Variants in EIPR1 observed in about 807,000 individuals in gnomAD.
The protein encoded by EIPR1 is EARP and GARP complex-interacting protein 1.
A neutral mutation model predicts 48.1 loss-of-function variants in EIPR1; 25 were observed. The observed-to-expected ratio is 0.52, with a 90% CI of 0.38 to 0.73. The LOEUF (loss-of-function observed/expected upper bound fraction) is 0.73. Among genes scored for constraint, EIPR1 ranks in the 30% least tolerant of loss-of-function variants. EIPR1 has a pLI of 0.00. For missense variants in EIPR1, 415 were observed against 506.2 expected, an observed-to-expected ratio of 0.82 and a Z score of 1.73; for synonymous variants, 204 against 201.9, an observed-to-expected ratio of 1.01 and a Z score of -0.09.
chr2:3,372,925 C>T (rs1350777138), intron 1 of EIPR1, among the ~76,000 whole-genome samples: 2 of 151,320 alleles, frequency 1.3e-5, no homozygotes, highest in African/African-American at 4.9e-5. Context: ...GAGACACAAC[C>T]AAAAAAGAGA....
intron 2 of EIPR1, among the ~76,000 whole-genome samples, chr2:3,351,708 C>T (rs1428147364): frequency 1.3e-5 from 2 of 152,152 alleles, no homozygotes; most frequent in East Asian, 3.8e-4. Context: ...AAGTAACACA[C>T]ATACATACAT....
chr2:3,245,973 C>T (rs940950477), intron 4 of EIPR1, among the ~76,000 whole-genome samples: 2 of 152,164 alleles, frequency 1.3e-5, no homozygotes, highest in Non-Finnish European at 2.9e-5. Flanking sequence ...TGCCTATGGT[C>T]CCAGCTTTGC....
chr2:3,205,314 C>G (rs1186830787), intron 5 of EIPR1, among the ~76,000 whole-genome samples: 2 of 152,210 alleles, frequency 1.3e-5, no homozygotes, highest in African/African-American at 4.8e-5. Context: ...TGTCTGACAA[C>G]TGGACAGAGG....
At chr2:3,226,880 C>T (rs987681399) in intron 4 of EIPR1, among the ~76,000 whole-genome samples, 1 of 152,226 alleles carries the variant, frequency 6.6e-6, no homozygotes, top group Non-Finnish European at 1.5e-5. Flanking sequence ...CCTGCACATG[C>T]TCTCTTGCCT....
At chr2:3,235,426 ACACACACACACACGCGTGCGCG>A (rs1299072564) in intron 4 of EIPR1, among the ~76,000 whole-genome samples, 1 of 107,800 alleles carries the variant, frequency 9.3e-6, no homozygotes, top group African/African-American at 3.3e-5. Context: ...GGGTGCGCAC[ACACACACACACACGCGTGCGCG>A]CACACACACA....
chr2:3,267,410 C>T (rs1467698104), intron 3 of EIPR1, among the ~76,000 whole-genome samples: 2 of 152,374 alleles, frequency 1.3e-5, no homozygotes, highest in East Asian at 1.9e-4. Context: ...CCACACCCCA[C>T]TAAACCCAGC....
chr2:3,276,354 T>C (rs1239471508), intron 3 of EIPR1, among the ~76,000 whole-genome samples: 4 of 152,266 alleles, frequency 2.6e-5, no homozygotes. Context: ...GCTGAATAAA[T>C]ACTTTTATCC....
chr2:3,345,460 A>C (rs987457425), intron 2 of EIPR1, among the ~76,000 whole-genome samples: 6 of 145,254 alleles, frequency 4.1e-5, no homozygotes, highest in Admixed American at 2.1e-4. Flanking sequence ...CCCCGTCTCT[A>C]CTAAAAATAT....
intron 1 of EIPR1, 141 bp downstream of exon 1, chr2:3,377,507 T>C (rs931311337): frequency 2.6e-6 from 3 of 1,151,256 alleles, no homozygotes; most frequent in Non-Finnish European, 1.2e-6. Flanking sequence ...CTCAGTTTAC[T>C]TCTCTGCAAA....
At chr2:3,364,395 C>A (rs959770184) in intron 1 of EIPR1, among the ~76,000 whole-genome samples, 1 of 152,042 alleles carries the variant, frequency 6.6e-6, no homozygotes, top group Admixed American at 6.5e-5. Flanking sequence ...TTTGGGAAGC[C>A]AAGGCAGGAG....
At chr2:3,295,459 CCT>C (rs1410707156) in intron 3 of EIPR1, among the ~76,000 whole-genome samples, 16 of 126,056 alleles carry the variant, frequency 1.3e-4, no homozygotes, top group East Asian at 5.9e-4. Context: ...TCCAGCCCAT[CCT>C]CTCTCTACAC....
chr2:3,334,488 A>G (rs949208430), intron 3 of EIPR1, among the ~76,000 whole-genome samples: 1 of 152,080 alleles, frequency 6.6e-6, no homozygotes, highest in East Asian at 1.9e-4. Context: ...TAGGTCTGTG[A>G]CTCCAGGCTT....
chr2:3,360,014 G>T (rs148868188), intron 1 of EIPR1, among the ~76,000 whole-genome samples: 1 of 152,270 alleles, frequency 6.6e-6, no homozygotes, highest in South Asian at 2.1e-4. Flanking sequence ...GTAAAGTAGG[G>T]TAGCTGGCAA....
At chr2:3,274,480 T>C in intron 3 of EIPR1, 3 of 1,529,898 alleles carry the variant, frequency 2.0e-6, no homozygotes, top group Non-Finnish European at 2.6e-6. Context: ...TAAAGGCATG[T>C]TAAGGTAAAT....
chr2:3,202,220 A>G (rs1223819466), intron 5 of EIPR1, among the ~76,000 whole-genome samples: 1 of 152,242 alleles, frequency 6.6e-6, no homozygotes, highest in Admixed American at 6.5e-5. Flanking sequence ...TACAGGCGTG[A>G]GCCACCGCAC....
rs368135186 is a variant in EIPR1, at chr2:3,341,656, G to A, written c.127-3507C>T. ...GGTGTACATGGGTGTGAATGTGCAT[G>A]TATGTGTGGGTGTGAGGCAGGTGCA... On this transcript the variant is annotated intron_variant, in intron 2 of 8. Coordinates refer to ENST00000382125, the MANE Select transcript of EIPR1 (RefSeq NM_003310.5). Among the ~76,000 whole-genome samples the A allele has an allele frequency of 1.6e-3, 236 of 151,620 alleles. 1 individual carries two copies. The highest frequency in any genetic ancestry group is 5.6e-3 in the African/African-American group (232 of 41,314).
chr2:3,292,766 A>G (rs1040174490), intron 3 of EIPR1, among the ~76,000 whole-genome samples: 1 of 152,038 alleles, frequency 6.6e-6, no homozygotes, highest in Non-Finnish European at 1.5e-5. Flanking sequence ...TGCCAGTACT[A>G]TGTGGAAGAT....
chr2:3,195,016 C>T (rs1256846162), intron 6 of EIPR1, among the ~76,000 whole-genome samples: 2 of 152,266 alleles, frequency 1.3e-5, no homozygotes, highest in African/African-American at 2.4e-5. Context: ...TGTACACACA[C>T]ATGCACACAT....
chr2:3,308,071 C>T (rs112266768), intron 3 of EIPR1, among the ~76,000 whole-genome samples: 2,502 of 152,296 alleles, frequency 0.016, 79 homozygotes, highest in African/African-American at 0.057. Context: ...CGCTGGCCGA[C>T]GCTGTCGGCC....
Sources: allele counts gnomAD v4.1 joint callset (sites outside exome capture counted in the v4.1 genomes callset), GRCh38; gene constraint gnomAD v4.1.1; transcripts MANE v1.5; gene names NCBI Gene and HGNC (gene_info 2026-07-23, HGNC 2026-07-21).